Variants in FOXP1 observed in about 807,000 individuals in gnomAD.
FOXP1 encodes the protein forkhead box protein P1.
Under a neutral mutation model 98.2 loss-of-function variants are expected in FOXP1, and 15 were observed. The ratio of observed to expected loss-of-function variants is 0.15; its 90% confidence interval spans 0.10 to 0.24. The LOEUF is 0.24. Among genes scored for constraint, FOXP1 ranks in the 10% least tolerant of loss-of-function variants. The pLI is 1.00. For missense variants in FOXP1, 633 were observed against 848.5 expected (o/e 0.75, Z 3.15); for synonymous variants, 371 against 314.5 (o/e 1.18, Z -1.90).
At chr3:71,309,882 TG>T (rs2074561990) in intron 4 of FOXP1, among the ~76,000 whole-genome samples, 1 of 152,148 alleles carries the variant, frequency 6.6e-6, no homozygotes, top group South Asian at 2.1e-4. Context: ...TCTGCCATCT[TG>T]TGCTTTCTGT....
chr3:71,091,185 TAGA>T (rs1230966637), intron 7 of FOXP1, among the ~76,000 whole-genome samples: 1 of 149,468 alleles, frequency 6.7e-6, no homozygotes, highest in Non-Finnish European at 1.5e-5. Context: ...TTCTACTTTA[TAGA>T]AGCTCAAAAG....
At chr3:70,973,845 CCCCA>C (rs1374723271) in intron 17 of FOXP1, among the ~76,000 whole-genome samples, 8 of 109,072 alleles carry the variant, frequency 7.3e-5, no homozygotes, top group African/African-American at 2.7e-4. Flanking sequence ...GCCCCCCCCC[CCCCA>C]CCCCCCAACA....
chr3:71,364,527 T>C (rs550172459), intron 3 of FOXP1, among the ~76,000 whole-genome samples: 1 of 152,366 alleles, frequency 6.6e-6, no homozygotes, highest in Non-Finnish European at 1.5e-5. Flanking sequence ...CCTTTTGTTG[T>C]TGCTGTTGAA....
chr3:71,014,995 G>T (rs1336496208), intron 12 of FOXP1, among the ~76,000 whole-genome samples: 1 of 151,648 alleles, frequency 6.6e-6, no homozygotes, highest in Non-Finnish European at 1.5e-5. Context: ...CTGTCGTGGG[G>T]TGGGGGGAGA....
intron 11 of FOXP1, among the ~76,000 whole-genome samples, chr3:71,035,537 G>T (rs768656944): frequency 4.6e-5 from 7 of 152,132 alleles, no homozygotes; most frequent in African/African-American, 1.7e-4. Flanking sequence ...AGGAAGCAGT[G>T]GGCTGGATTT....
At chr3:70,960,014 G>A (rs1485893564) in intron 20 of FOXP1, among the ~76,000 whole-genome samples, 1 of 152,140 alleles carries the variant, frequency 6.6e-6, no homozygotes, top group Admixed American at 6.5e-5. Flanking sequence ...AGCAGAGGAG[G>A]CTGGGCTAAT....
chr3:71,511,930 C>T (rs2042231720), intron 2 of FOXP1, among the ~76,000 whole-genome samples: 1 of 152,104 alleles, frequency 6.6e-6, no homozygotes, highest in Non-Finnish European at 1.5e-5. Context: ...ACAAAACTGG[C>T]CTAAGGCTCA....
intron 5 of FOXP1, among the ~76,000 whole-genome samples, chr3:71,215,142 C>T (rs915033058): frequency 6.6e-6 from 1 of 152,206 alleles, no homozygotes; most frequent in Non-Finnish European, 1.5e-5. Flanking sequence ...AACAGGCAGA[C>T]ATACTTGGGC....
intron 6 of FOXP1, among the ~76,000 whole-genome samples, chr3:71,179,743 A>T: frequency 6.6e-6 from 1 of 152,360 alleles, no homozygotes; most frequent in East Asian, 1.9e-4. Context: ...AAGGGAAAAC[A>T]GGGTATCCAC....
rs940074147 is a variant in FOXP1, at chr3:71,441,575, G to A, written c.-168+51851C>T. Among the ~76,000 whole-genome samples, 4 of 152,178 alleles carry A rather than the reference G, an allele frequency of 2.6e-5. No homozygotes were observed. In the South Asian group the frequency reaches 6.2e-4, roughly 24 times the overall value. On this transcript the variant is annotated intron_variant, in intron 3 of 20. Coordinates refer to ENST00000649528, the MANE Select transcript of FOXP1 (RefSeq NM_001349338.3). ...AGGAGAATGATCCTACGATGCCCCC[G>A]GCGTCACTAACAGGGAACCATTTGG... is the stretch of plus-strand genomic sequence containing the variant.
intron 4 of FOXP1, among the ~76,000 whole-genome samples, chr3:71,351,693 G>A: frequency 6.6e-6 from 1 of 152,196 alleles, no homozygotes; most frequent in African/African-American, 2.4e-5. Context: ...TTGCTTGCTG[G>A]GAAAATGCCC....
At chr3:71,466,208 CACT>C (rs778518502) in intron 3 of FOXP1, among the ~76,000 whole-genome samples, 8 of 152,172 alleles carry the variant, frequency 5.3e-5, no homozygotes, top group Non-Finnish European at 1.2e-4. Flanking sequence ...TTCTCTCCAC[CACT>C]GACTGCTGCT....
At chr3:71,195,553 A>C (rs915146351) in intron 6 of FOXP1, among the ~76,000 whole-genome samples, 8 of 152,182 alleles carry the variant, frequency 5.3e-5, no homozygotes, top group African/African-American at 1.7e-4. Flanking sequence ...TACAGTTCTA[A>C]TTCTCTTCCA....
intron 10 of FOXP1, among the ~76,000 whole-genome samples, chr3:71,041,801 C>T (rs957931099): frequency 6.6e-6 from 1 of 152,022 alleles, no homozygotes; most frequent in Non-Finnish European, 1.5e-5. Context: ...CAACAGTATG[C>T]CTCTAACCAT....
chr3:71,092,179 G>C (rs1013531340), intron 7 of FOXP1, among the ~76,000 whole-genome samples: 27 of 149,492 alleles, frequency 1.8e-4, no homozygotes, highest in Admixed American at 8.7e-4. Context: ...CAGAGTGAGA[G>C]ACTCTGTCTC....
chr3:71,098,495 A>G (rs1416896016), intron 7 of FOXP1, among the ~76,000 whole-genome samples: 2 of 152,160 alleles, frequency 1.3e-5, no homozygotes, highest in Non-Finnish European at 2.9e-5. Flanking sequence ...CAGGACTGAC[A>G]CAGGATTTTT....
intron 5 of FOXP1, among the ~76,000 whole-genome samples, chr3:71,227,929 C>T (rs866752603): frequency 1.1e-4 from 4 of 35,112 alleles, no homozygotes; most frequent in Non-Finnish European, 1.8e-4. Context: ...TATATTAAAT[C>T]GAAGAATGTG....
chr3:71,260,203 G>A (rs1214236555), intron 5 of FOXP1, among the ~76,000 whole-genome samples: 1 of 151,998 alleles, frequency 6.6e-6, no homozygotes, highest in Non-Finnish European at 1.5e-5. Flanking sequence ...CAGGATGGTC[G>A]CGATCTCCTG....
chr3:71,467,111 T>C (rs1305778421), intron 3 of FOXP1, among the ~76,000 whole-genome samples: 3 of 152,216 alleles, frequency 2.0e-5, no homozygotes, highest in Non-Finnish European at 4.4e-5. Context: ...CATTATTATA[T>C]GTGTGTGTAC....
Sources: allele counts gnomAD v4.1 joint callset (sites outside exome capture counted in the v4.1 genomes callset), GRCh38; gene constraint gnomAD v4.1.1; transcripts MANE v1.5; gene names NCBI Gene and HGNC (gene_info 2026-07-23, HGNC 2026-07-21).